Variants in EFCAB5 observed in about 807,000 individuals in gnomAD.
EFCAB5 encodes EF-hand calcium-binding domain-containing protein 5.
In EFCAB5, 131 loss-of-function variants were observed where a neutral mutation model predicts 167.9. That is an observed-to-expected ratio of 0.78 (90% CI 0.68 to 0.90). The LOEUF is 0.90. Ranked by LOEUF, EFCAB5 falls within the 40% of genes least tolerant of loss-of-function variation. The probability of loss-of-function intolerance (pLI) is 0.00; values close to 1 mark genes in which losing one functional copy is unlikely to be tolerated. For missense variants in EFCAB5, 1,663 were observed against 1,745.2 expected (o/e 0.95, Z 0.84); for synonymous variants, 574 against 602.8 (o/e 0.95, Z 0.70).
chr17:30,049,353 G>A (rs780123384), intron 8 of EFCAB5, among the ~76,000 whole-genome samples: 7 of 152,142 alleles, frequency 4.6e-5, no homozygotes, highest in East Asian at 1.9e-4. Flanking sequence ...GGTGGCATGC[G>A]CCTGTAGTCC....
At chr17:30,084,137 T>G (rs1167103769) in intron 18 of EFCAB5, among the ~76,000 whole-genome samples, 2 of 152,128 alleles carry the variant, frequency 1.3e-5, no homozygotes, top group African/African-American at 4.8e-5. Context: ...CCGGGCTGCT[T>G]CTTTCCTTTT....
chr17:30,028,016 T>A (rs2069378349), intron 7 of EFCAB5, among the ~76,000 whole-genome samples: 1 of 152,106 alleles, frequency 6.6e-6, no homozygotes, highest in Non-Finnish European at 1.5e-5. Context: ...TACTAGAAAG[T>A]ATGGGATTCA....
At chr17:30,012,057 C>T (rs541379025) in intron 7 of EFCAB5, among the ~76,000 whole-genome samples, 13 of 152,262 alleles carry the variant, frequency 8.5e-5, no homozygotes, top group South Asian at 6.2e-4. Context: ...GACAAGAGTG[C>T]GAGCCTTCTG....
In EFCAB5 at chr17:29,968,912, T is replaced by G. The variant is rs964279486; in HGVS notation, c.312T>G (p.Thr104=). ...SAKVIFALDE[T]ELKSKPEHTW... ...AAGTGATTTTTGCTTTAGATGAAAC[T>G]GAACTGAAATCAAAGCCAGAGCACA... Residue 104 remains threonine (T), a synonymous_variant, in exon 4 of 23, where the codon ACT becomes ACG. Coordinates refer to ENST00000394835, the MANE Select transcript of EFCAB5 (RefSeq NM_198529.4). 1 of 1,577,786 alleles carries G rather than the reference T, an allele frequency of 6.3e-7. No individual in the cohort carries two copies. Among genetic ancestry groups the G allele is most frequent in the African/African-American group, 1.3e-5 (1 of 74,162 alleles).
intron 4 of EFCAB5, among the ~76,000 whole-genome samples, chr17:29,974,252 T>C (rs2151591792): frequency 6.6e-6 from 1 of 152,082 alleles, no homozygotes; most frequent in Admixed American, 6.6e-5. Flanking sequence ...AGCTTTTTTG[T>C]CCTTAGAATA....
At chr17:30,034,483 G>C in intron 8 of EFCAB5, 98 bp downstream of exon 8, 1 of 1,444,918 alleles carries the variant, frequency 6.9e-7, no homozygotes, top group South Asian at 1.4e-5. Flanking sequence ...TGGATTACTT[G>C]AGCCCAGGAG....
At chr17:29,965,566 T>C (rs1481565314) in intron 3 of EFCAB5, among the ~76,000 whole-genome samples, 1 of 152,214 alleles carries the variant, frequency 6.6e-6, no homozygotes, top group Non-Finnish European at 1.5e-5. Flanking sequence ...TTAATTTTCA[T>C]ATATGGTGTA....
Position 29,973,506 on chromosome 17 carries a change from G to A in EFCAB5, c.767+4139G>A, listed in dbSNP as rs371366853. Among the ~76,000 whole-genome samples, 44 of 138,346 alleles carry A rather than the reference G, an allele frequency of 3.2e-4. No individual in the cohort carries two copies. In the East Asian group the frequency reaches 8.6e-3, roughly 27 times the overall value. The allele number at this position is 138,346 out of a possible 152,430, so 90.8% of individuals were successfully genotyped here. A position where few individuals can be genotyped will look rare whatever the true frequency, so the allele number is the denominator to read the frequency against. ...TTTTTTTTTTTTTTTTTGAGACAGA[G>A]ACTTGCTCTGTCACCCAGGCCGGAG... On this transcript the variant is annotated intron_variant, in intron 4 of 22. Transcript: ENST00000394835.
chr17:30,090,723 G>A (rs1176762687), intron 20 of EFCAB5, 49 bp downstream of exon 20: 3 of 1,558,956 alleles, frequency 1.9e-6, no homozygotes, highest in East Asian at 4.5e-5. Flanking sequence ...AATAGGTTTT[G>A]GGGAAATCAC....
At chr17:30,043,656 C>T (rs1483585764) in intron 8 of EFCAB5, among the ~76,000 whole-genome samples, 1 of 152,176 alleles carries the variant, frequency 6.6e-6, no homozygotes, top group African/African-American at 2.4e-5. Context: ...CTTAGCAACA[C>T]ATTTAACAAA....
At position 30,108,180 on chromosome 17, in the gene EFCAB5, T is replaced by A. The variant is rs2071474796; in HGVS notation, c.*156T>A. 3.6e-6 allele frequency: 3 copies of A among 822,272 alleles called. No homozygotes were observed. The South Asian group carries it at 6.4e-5, about 17-fold the overall frequency. 50.9% of individuals were successfully genotyped at this position (822,272 alleles called of 1,614,324 possible). On this transcript the variant is annotated 3_prime_UTR_variant, in exon 23 of 23. Transcript: ENST00000394835. ...CAGCACTTTCTAAACCCAAAAGTGCTACCTAAGAAGAAATTTAGCCAAAAA... is the reference window on the plus strand; with the variant it reads ...CAGCACTTTCTAAACCCAAAAGTGCAACCTAAGAAGAAATTTAGCCAAAAA...
intron 12 of EFCAB5, 36 bp downstream of exon 12, chr17:30,056,192 G>A (rs2070261019): frequency 6.5e-7 from 1 of 1,544,442 alleles, no homozygotes; most frequent in African/African-American, 1.4e-5. Flanking sequence ...ATAGATGGCA[G>A]TCCAATAGAT....
intron 5 of EFCAB5, among the ~76,000 whole-genome samples, chr17:29,994,769 A>T (rs1329271582): frequency 6.6e-6 from 1 of 152,028 alleles, no homozygotes; most frequent in African/African-American, 2.4e-5. Context: ...TGCAGAAGTA[A>T]TTGTGGTTTT....
At chr17:29,949,004 A>T (rs1406806092) in intron 3 of EFCAB5, among the ~76,000 whole-genome samples, 1 of 152,198 alleles carries the variant, frequency 6.6e-6, no homozygotes, top group African/African-American at 2.4e-5. Context: ...GCTGAGTTTC[A>T]AACAGGGCCT....
intron 2 of EFCAB5, among the ~76,000 whole-genome samples, chr17:29,942,807 C>T (rs754137666): frequency 6.6e-6 from 1 of 151,936 alleles, no homozygotes; most frequent in Admixed American, 6.6e-5. Context: ...TCTGGGAGAC[C>T]GAGGTGGATC....
chr17:30,105,221 C>G (rs575170997), intron 22 of EFCAB5, among the ~76,000 whole-genome samples: 54 of 152,054 alleles, frequency 3.6e-4, no homozygotes, highest in Non-Finnish European at 5.4e-4. Flanking sequence ...ATTGGCCGAG[C>G]GCGGTTGCTC....
chr17:30,009,235 TTA>T (rs1370390590), intron 7 of EFCAB5, among the ~76,000 whole-genome samples: 2 of 152,222 alleles, frequency 1.3e-5, no homozygotes, highest in Non-Finnish European at 2.9e-5. Context: ...TCGAGAGCCA[TTA>T]TCCAACCTAC....
chr17:29,999,923 C>A lies in EFCAB5; in HGVS notation c.991C>A (p.Leu331Met), dbSNP rs1597647309. 6.3e-7 allele frequency: 1 copy of A among 1,584,674 alleles called. No homozygotes were observed. Among genetic ancestry groups the A allele is most frequent in the Non-Finnish European group, 8.6e-7 (1 of 1,163,818 alleles). The change falls in exon 7 of 23, where the codon CTG becomes ATG. Residue 331 changes from leucine (L) to methionine (M), a missense_variant. By Grantham distance (15) the Leu-to-Met change is conservative (BLOSUM62 2). Coordinates refer to ENST00000394835, the MANE Select transcript of EFCAB5 (RefSeq NM_198529.4). Reference protein sequence around the residue: ...DFKLGSHCKQLDITDSTEPRL... With the variant: ...DFKLGSHCKQMDITDSTEPRL... Reference sequence around the variant, plus strand: ...ATAAATAGGATCACACTGCAAACAACTGGATATTACTGACTCAACAGAACC... The same window carrying A: ...ATAAATAGGATCACACTGCAAACAAATGGATATTACTGACTCAACAGAACC...
chr17:29,968,198 A>G (rs973801733), intron 3 of EFCAB5, among the ~76,000 whole-genome samples: 8 of 152,182 alleles, frequency 5.3e-5, no homozygotes, highest in Admixed American at 2.6e-4. Flanking sequence ...TTGCCTGCCA[A>G]CTGAACCTCA....
Sources: gnomAD v4.1 joint callset for allele counts (sites outside exome capture counted in the v4.1 genomes callset) on GRCh38, gnomAD v4.1.1 for gene constraint, MANE v1.5 for transcripts, NCBI Gene and HGNC (gene_info 2026-07-23, HGNC 2026-07-21) for gene names.